The following KMT2C variants were observed in gnomAD, a reference collection of about 807,000 sequenced individuals.
KMT2C encodes histone-lysine N-methyltransferase 2C.
In KMT2C, 88 loss-of-function variants were observed where a neutral mutation model predicts 507.9. The observed-to-expected ratio is 0.17, with a 90% confidence interval of 0.15 to 0.21. KMT2C has a LOEUF of 0.21. KMT2C is among the 10% of genes least tolerant of loss of function. The pLI is 1.00. For synonymous variants in KMT2C, 2,049 were observed against 2,080.8 expected, an observed-to-expected ratio of 0.98 and a Z score of 0.42; for missense variants, 4,954 against 5,957.8, an observed-to-expected ratio of 0.83 and a Z score of 5.55.
chr7:152,233,485 G>A (rs1016437156), intron 16 of KMT2C, among the ~76,000 whole-genome samples: 1 of 151,998 alleles, frequency 6.6e-6, no homozygotes, highest in Non-Finnish European at 1.5e-5. Flanking sequence ...AACTCAAAGT[G>A]AGAAGATAGG....
Position 152,225,240 on chromosome 7 carries a change from T to C in KMT2C, c.2977-624A>G, listed in dbSNP as rs2094891323. On this transcript the variant is annotated intron_variant, in intron 18 of 58. Coordinates refer to ENST00000262189, the MANE Select transcript of KMT2C (RefSeq NM_170606.3). The stretch of plus-strand genomic sequence containing the variant: ...TGTAATATTAAGATTGTGGAACTTC[T>C]TAAAGATCTCAAAAGACTAGGATCC... Among the ~76,000 whole-genome samples, 3 of 152,146 alleles carry C rather than the reference T, an allele frequency of 2.0e-5. No individual in the cohort carries two copies. The South Asian group carries it at 6.2e-4, about 32-fold the overall frequency.
chr7:152,210,872 GATAAA>G (rs1285531763), intron 23 of KMT2C, among the ~76,000 whole-genome samples: 1 of 152,150 alleles, frequency 6.6e-6, no homozygotes, highest in Non-Finnish European at 1.5e-5. Context: ...AGTAGAGGAA[GATAAA>G]ATAAGGACAT....
intron 1 of KMT2C, among the ~76,000 whole-genome samples, chr7:152,392,901 A>G (rs534349384): frequency 6.6e-6 from 1 of 152,316 alleles, no homozygotes; most frequent in African/African-American, 2.4e-5. Context: ...TTGAAGGAAG[A>G]AAGGGCAACA....
Position 152,158,921 on chromosome 7 carries a change from T to C in KMT2C, c.11612A>G (p.Asp3871Gly), listed in dbSNP as rs537699118. Residue 3871 changes from aspartate (D) to glycine (G), a missense_variant, in exon 44 of 59, where the codon GAC becomes GGC. Asp to Gly is a moderately conservative substitution (Grantham distance 94). Coordinates refer to ENST00000262189, the MANE Select transcript of KMT2C (RefSeq NM_170606.3). ...GTACATAGCTTGTTTCTCCTCTTCG[T>C]CCTTTTTCCTTTTCTTTGAGCGAGG... ...AAPRSKKRKK[D>G]EEEKQAMYSS... The C allele has an allele frequency of 3.1e-6, 5 of 1,614,188 alleles. No homozygotes were observed. Among genetic ancestry groups the C allele is most frequent in the Non-Finnish European group, 4.2e-6 (5 of 1,180,024 alleles).
intron 23 of KMT2C, among the ~76,000 whole-genome samples, chr7:152,219,014 C>T (rs183651580): frequency 2.6e-3 from 392 of 151,600 alleles, no homozygotes; most frequent in Admixed American, 6.6e-3. Flanking sequence ...CTGTCACCCA[C>T]GCTGGAGTGC....
chr7:152,154,728 TAGAG>T (rs778142810), intron 46 of KMT2C, among the ~76,000 whole-genome samples: 26 of 152,180 alleles, frequency 1.7e-4, no homozygotes, highest in Admixed American at 3.9e-4. Flanking sequence ...GCATGTAACA[TAGAG>T]AGCATGAAAG....
At chr7:152,359,956 C>T (rs1316812320) in intron 1 of KMT2C, among the ~76,000 whole-genome samples, 1 of 144,732 alleles carries the variant, frequency 6.9e-6, no homozygotes, top group Non-Finnish European at 1.5e-5. Context: ...GGCTGAGGCA[C>T]AAGAATCGCT....
At chr7:152,154,491 T>G in intron 46 of KMT2C, 46 bp from the exon 47 acceptor site, 1 of 1,569,374 alleles carries the variant, frequency 6.4e-7, no homozygotes, top group Non-Finnish European at 8.7e-7. Context: ...AATCCACCAC[T>G]GGGGGCTTCC....
intron 6 of KMT2C, among the ~76,000 whole-genome samples, chr7:152,275,272 G>A (rs77740043): frequency 6.6e-6 from 1 of 152,150 alleles, no homozygotes; most frequent in Non-Finnish European, 1.5e-5. Context: ...TGGCTGGGCC[G>A]GGTGGCTCAC....
chr7:152,196,227 T>C (rs2093957813), intron 27 of KMT2C, among the ~76,000 whole-genome samples: 1 of 152,192 alleles, frequency 6.6e-6, no homozygotes, highest in Non-Finnish European at 1.5e-5. Context: ...GTCTTGTGAC[T>C]AATGTATATT....
At chr7:152,348,975 T>C (rs575785732) in intron 2 of KMT2C, among the ~76,000 whole-genome samples, 6 of 152,314 alleles carry the variant, frequency 3.9e-5, no homozygotes, top group African/African-American at 1.4e-4. Flanking sequence ...CCAAATGAGT[T>C]GAAAACTTAC....
rs2091331077 is a variant in KMT2C at position 152,148,228 on chromosome 7, G to C, written c.13699C>G (p.Gln4567Glu). 2.5e-6 allele frequency: 4 copies of C among 1,614,120 alleles called. No individual in the cohort carries two copies. The highest frequency in any genetic ancestry group is 1.1e-5 in the South Asian group (1 of 91,092). The stretch of plus-strand genomic sequence containing the variant: ...AGTGCTTTAGGAGAATGGAATGCTT[G>C]CATCTGCTGTGGAAGCAGCTGACCA... Reference protein sequence around the residue: ...TIGQLLPQQMQAFHSPKALFP... With the variant: ...TIGQLLPQQMEAFHSPKALFP... Residue 4567 changes from glutamine (Q) to glutamate (E), a missense_variant, in exon 52 of 59, where the codon CAA (glutamine) becomes GAA (glutamate). Around this residue, in one of 29 missense-constraint regions of KMT2C, gnomAD observed 221 missense variants for 304.7 expected, o/e 0.73. Transcript: ENST00000262189. This position sits in a 1 kb window ranked among gnomAD's most constrained non-coding sequence, Gnocchi z 7.1.
At chr7:152,164,728 C>T (rs1026594325) in intron 42 of KMT2C, among the ~76,000 whole-genome samples, 2 of 152,120 alleles carry the variant, frequency 1.3e-5, no homozygotes, top group African/African-American at 2.4e-5. Context: ...ATACAAGCTC[C>T]GAGGAAGTAT....
At chr7:152,178,516 C>A (rs1432760583) in intron 37 of KMT2C, among the ~76,000 whole-genome samples, 1 of 152,146 alleles carries the variant, frequency 6.6e-6, no homozygotes, top group Non-Finnish European at 1.5e-5. Flanking sequence ...GAGAAAAGGA[C>A]AAGTAGGCCT....
rs868790057 is a variant in KMT2C, at chr7:152,177,604, T to A, written c.7849A>T (p.Asn2617Tyr). The change falls in exon 38 of 59, where the codon AAT (asparagine) becomes TAT (tyrosine). Residue 2617 changes from asparagine to tyrosine, a missense_variant. Physicochemically the swap from Asn to Tyr is moderately radical, Grantham distance 143. Coordinates refer to ENST00000262189, the MANE Select transcript of KMT2C (RefSeq NM_170606.3). ...AAATCTGGGTGCACAGGTAGCTGAT[T>A]AGGTAGACCCTGGGGAGGTCGTCGC... ...PMRRPPQGLP[N>Y]QLPVHPDLEQ... 1 of 1,614,122 alleles carries A rather than the reference T, an allele frequency of 6.2e-7. No homozygotes were observed. The highest frequency in any genetic ancestry group is 8.5e-7 in the Non-Finnish European group (1 of 1,180,024).
intron 50 of KMT2C, 82 bp from the exon 51 acceptor site, chr7:152,151,089 A>G: frequency 2.4e-6 from 2 of 831,238 alleles, no homozygotes; most frequent in Non-Finnish European, 3.8e-6. Context: ...TTTTTATGTT[A>G]TATTCAAAAG....
intron 1 of KMT2C, among the ~76,000 whole-genome samples, chr7:152,429,025 A>C (rs2097845753): frequency 6.6e-6 from 1 of 151,268 alleles, no homozygotes; most frequent in African/African-American, 2.4e-5. Context: ...CACCTTTTAC[A>C]CCTCCTTCCC....
chr7:152,304,386 G>A (rs2096597013), intron 6 of KMT2C, among the ~76,000 whole-genome samples: 1 of 152,150 alleles, frequency 6.6e-6, no homozygotes, highest in African/African-American at 2.4e-5. Context: ...GCTTAAACCA[G>A]AGCTCTTTAG....
At chr7:152,205,631 T>C (rs1263622177) in intron 24 of KMT2C, among the ~76,000 whole-genome samples, 1 of 152,210 alleles carries the variant, frequency 6.6e-6, no homozygotes, top group Non-Finnish European at 1.5e-5. Flanking sequence ...CATAAGATTA[T>C]AATGGAGCTG....
Sources: allele counts gnomAD v4.1 joint callset (sites outside exome capture counted in the v4.1 genomes callset), GRCh38; gene constraint gnomAD v4.1.1; regional missense constraint gnomAD v4.1.1; non-coding constraint Gnocchi (gnomAD v3.1); transcripts MANE v1.5; gene names NCBI Gene and HGNC (gene_info 2026-07-23, HGNC 2026-07-21).